RFTN2: variants seen among roughly 807,000 people sequenced by gnomAD.
RFTN2 encodes the protein raftlin-2.
RFTN2 carries 34 observed loss-of-function variants against 52.7 expected under a neutral mutation model. That is an observed-to-expected ratio of 0.64 (90% CI 0.49 to 0.86). The LOEUF is 0.86. Ranked by LOEUF, RFTN2 falls within the 40% of genes least tolerant of loss-of-function variation. RFTN2 has a pLI of 0.00. For missense variants in RFTN2, 536 were observed against 600.1 expected, an observed-to-expected ratio of 0.89 and a Z score of 1.12; for synonymous variants, 203 against 217.7, an observed-to-expected ratio of 0.93 and a Z score of 0.59.
At chr2:197,665,407 T>A (rs956111101) in intron 1 of RFTN2, among the ~76,000 whole-genome samples, 1 of 152,134 alleles carries the variant, frequency 6.6e-6, no homozygotes, top group Non-Finnish European at 1.5e-5. Flanking sequence ...TCTCTTTAGA[T>A]CTAGCAATAT....
intron 5 of RFTN2, among the ~76,000 whole-genome samples, chr2:197,625,693 C>CCT (rs1221846761): frequency 2.2e-5 from 3 of 134,918 alleles, no homozygotes; most frequent in Non-Finnish European, 3.2e-5. Context: ...CCTCTCCTCT[C>CCT]CTCTCCTCTC....
chr2:197,675,227 G>T, intron 1 of RFTN2, 93 bp downstream of exon 1: 2 of 933,696 alleles, frequency 2.1e-6, no homozygotes, highest in Non-Finnish European at 1.5e-6. Flanking sequence ...TCATTATGAA[G>T]AACAGTTTAA....
At chr2:197,674,675 C>A (rs1438601114) in intron 1 of RFTN2, among the ~76,000 whole-genome samples, 2 of 152,168 alleles carry the variant, frequency 1.3e-5, no homozygotes, top group Non-Finnish European at 2.9e-5. Context: ...CACCTCGATT[C>A]CTTCCACAGA....
intron 8 of RFTN2, among the ~76,000 whole-genome samples, chr2:197,585,924 A>AACT (rs762201277): frequency 1.3e-5 from 2 of 152,032 alleles, no homozygotes; most frequent in Non-Finnish European, 2.9e-5. Context: ...TCACAACACA[A>AACT]ACTACTATTG....
intron 1 of RFTN2, among the ~76,000 whole-genome samples, chr2:197,663,227 A>G (rs1464188063): frequency 6.6e-6 from 1 of 151,976 alleles, no homozygotes; most frequent in Admixed American, 6.6e-5. Flanking sequence ...TTGATGTGCT[A>G]TTGAGTTTGG....
At chr2:197,638,042 A>G (rs1258789240) in intron 3 of RFTN2, among the ~76,000 whole-genome samples, 1 of 149,552 alleles carries the variant, frequency 6.7e-6, no homozygotes, top group African/African-American at 2.5e-5. Flanking sequence ...CATGTAGTTG[A>G]GCGGCTTTGA....
At chr2:197,656,359 C>A (rs747418705) in intron 1 of RFTN2, among the ~76,000 whole-genome samples, 40 of 152,306 alleles carry the variant, frequency 2.6e-4, no homozygotes, top group Non-Finnish European at 5.0e-4. Flanking sequence ...GCTCTGGAAG[C>A]AATTCACCTG....
chr2:197,583,759 C>T (rs989517947), intron 8 of RFTN2, among the ~76,000 whole-genome samples: 5 of 151,836 alleles, frequency 3.3e-5, no homozygotes, highest in Non-Finnish European at 7.4e-5. Context: ...GGTATATCTC[C>T]TAATGCTATC....
At position 197,592,261 on chromosome 2, in the gene RFTN2, T is replaced by C. The variant is rs371457621; in HGVS notation, c.1233+3730A>G. Among the ~76,000 whole-genome samples, 38 of 152,310 alleles carry C rather than the reference T, an allele frequency of 2.5e-4. 6 individuals carry two copies. The highest frequency in any genetic ancestry group is 2.4e-3 in the Admixed American group (36 of 15,294). On this transcript the variant is annotated intron_variant, in intron 8 of 8. Transcript: ENST00000295049. Reference sequence around the variant, plus strand: ...CCCAGGCTGGAGTGCAATGGCATGATCTCAGCTGAGCACAACCTCTGCTTC... The same window carrying C: ...CCCAGGCTGGAGTGCAATGGCATGACCTCAGCTGAGCACAACCTCTGCTTC...
At chr2:197,665,128 G>A (rs1185289643) in intron 1 of RFTN2, among the ~76,000 whole-genome samples, 5 of 152,128 alleles carry the variant, frequency 3.3e-5, no homozygotes, top group Non-Finnish European at 5.9e-5. Flanking sequence ...ACCTGCACAT[G>A]TACCTCCTGA....
rs1233617643 is a variant in RFTN2 at position 197,646,564 on chromosome 2, G to A, written c.242C>T (p.Pro81Leu). Residue 81 changes from proline (P) to leucine (L), a missense_variant, in exon 2 of 9, where the codon CCT becomes CTT. Transcript: ENST00000295049. ...TCGCTGCCCCACAGGTTGTATAACA[G>A]GATGAATAGCCCCGACAATATATCC... ...LKGYIVGAIH[P>L]VIQPVGQRKH... 6.2e-7 allele frequency: 1 copy of A among 1,613,534 alleles called. No homozygotes were observed. Among genetic ancestry groups the A allele is most frequent in the Non-Finnish European group, 8.5e-7 (1 of 1,179,580 alleles).
chr2:197,611,801 G>T (rs892828800), intron 7 of RFTN2, among the ~76,000 whole-genome samples: 1 of 152,022 alleles, frequency 6.6e-6, no homozygotes, highest in African/African-American at 2.4e-5. Flanking sequence ...CATATATTCC[G>T]GTATGTTGTG....
chr2:197,590,971 A>G (rs1574687514), intron 8 of RFTN2, among the ~76,000 whole-genome samples: 1 of 152,196 alleles, frequency 6.6e-6, no homozygotes, highest in Non-Finnish European at 1.5e-5. Context: ...CTGCTGGCTG[A>G]GGCAGCCTGC....
At chr2:197,643,241 G>A (rs2088699808) in intron 3 of RFTN2, among the ~76,000 whole-genome samples, 3 of 151,926 alleles carry the variant, frequency 2.0e-5, no homozygotes, top group East Asian at 1.9e-4. Flanking sequence ...GTGCCACCAC[G>A]TCCTGCTGAT....
intron 1 of RFTN2, among the ~76,000 whole-genome samples, chr2:197,656,017 G>A (rs1243055579): frequency 2.0e-5 from 3 of 152,104 alleles, no homozygotes; most frequent in South Asian, 4.2e-4. Flanking sequence ...AAACTTGGGC[G>A]TACTATTAAT....
chr2:197,675,247 A>G, intron 1 of RFTN2, 73 bp downstream of exon 1: 2 of 1,194,416 alleles, frequency 1.7e-6, no homozygotes, highest in Non-Finnish European at 2.3e-6. Context: ...AAAATTTATT[A>G]AGTCAACACT....
intron 5 of RFTN2, among the ~76,000 whole-genome samples, chr2:197,628,143 C>T (rs1377275792): frequency 6.6e-6 from 1 of 151,784 alleles, no homozygotes; most frequent in Admixed American, 6.6e-5. Flanking sequence ...CCTCTGAATG[C>T]TTCTCACAGT....
At chr2:197,639,390 A>G (rs2088621603) in intron 3 of RFTN2, among the ~76,000 whole-genome samples, 1 of 151,934 alleles carries the variant, frequency 6.6e-6, no homozygotes, top group East Asian at 1.9e-4. Context: ...CCAGACGTAG[A>G]TTTGGTCTTT....
intron 1 of RFTN2, among the ~76,000 whole-genome samples, chr2:197,655,226 A>G (rs577407590): frequency 6.6e-6 from 1 of 152,328 alleles, no homozygotes; most frequent in South Asian, 2.1e-4. Flanking sequence ...ATTGATGCTT[A>G]AAGAGGTTCC....
Sources: gnomAD v4.1 joint callset for allele counts (sites outside exome capture counted in the v4.1 genomes callset) on GRCh38, gnomAD v4.1.1 for gene constraint, MANE v1.5 for transcripts, NCBI Gene and HGNC (gene_info 2026-07-23, HGNC 2026-07-21) for gene names.